Variants in LUZP2 observed in about 807,000 individuals in gnomAD.
LUZP2 encodes the protein leucine zipper protein 2.
In LUZP2, 52 loss-of-function variants were observed where a neutral mutation model predicts 51.6. The ratio of observed to expected loss-of-function variants is 1.01; its 90% CI spans 0.81 to 1.27. The LOEUF (loss-of-function observed/expected upper bound fraction) is 1.27, where lower values mean the gene tolerates loss of function less well. LUZP2 is among the 50% of genes most tolerant of loss of function. LUZP2 has a pLI of 0.00. For missense variants in LUZP2, 436 were observed against 395.4 expected (o/e 1.10, Z -0.87); for synonymous variants, 154 against 137.3 (o/e 1.12, Z -0.85).
At chr11:24,852,933 T>A (rs1851440977) in intron 5 of LUZP2, among the ~76,000 whole-genome samples, 1 of 152,200 alleles carries the variant, frequency 6.6e-6, no homozygotes, top group Non-Finnish European at 1.5e-5. Flanking sequence ...TGGTAAATAT[T>A]CCTCCATCCC....
intron 5 of LUZP2, among the ~76,000 whole-genome samples, chr11:24,826,692 T>G (rs10834490): frequency 0.79 from 119,769 of 151,730 alleles, 47,586 homozygotes; most frequent in East Asian, 0.88. Context: ...CAAATGGAAA[T>G]GTCTAGAGTT....
chr11:24,551,700 G>T (rs1386653821), intron 1 of LUZP2, among the ~76,000 whole-genome samples: 1 of 151,720 alleles, frequency 6.6e-6, no homozygotes, highest in African/African-American at 2.4e-5. Context: ...AAATATAGAG[G>T]AAAATCAAAG....
rs1018353789 is a variant in LUZP2, at chr11:24,744,774, C to G, written c.333+6472C>G. 5.9e-5 allele frequency among the ~76,000 whole-genome samples: 9 copies of G among 151,268 alleles called. No homozygotes were observed. The South Asian group carries it at 1.5e-3, about 25-fold the overall frequency. ...GTTTGGGTTTGGTTTGTTCTTGTTT[C>G]TCTAGTTCCTTGAGGTGTGACCTTA... On this transcript the variant is annotated intron_variant, in intron 4 of 11. Transcript: ENST00000336930.
At chr11:24,568,883 A>G (rs1852334430) in intron 1 of LUZP2, among the ~76,000 whole-genome samples, 1 of 152,070 alleles carries the variant, frequency 6.6e-6, no homozygotes, top group Admixed American at 6.6e-5. Context: ...CCTAAGAGAC[A>G]TAGTAATACA....
chr11:24,835,811 A>G (rs899347256), intron 5 of LUZP2, among the ~76,000 whole-genome samples: 1 of 152,050 alleles, frequency 6.6e-6, no homozygotes, highest in Non-Finnish European at 1.5e-5. Context: ...AAATTCTTAT[A>G]ATATTTTTAC....
chr11:24,942,489 T>C (rs1854781729), intron 7 of LUZP2, among the ~76,000 whole-genome samples: 2 of 152,184 alleles, frequency 1.3e-5, no homozygotes, highest in South Asian at 4.1e-4. Context: ...TAGTTTTCAT[T>C]TGTATATCCT....
At chr11:24,652,194 G>T (rs887634161) in intron 1 of LUZP2, among the ~76,000 whole-genome samples, 3 of 152,076 alleles carry the variant, frequency 2.0e-5, no homozygotes, top group Non-Finnish European at 2.9e-5. Context: ...TACCTGCAAA[G>T]AAGAGATTTG....
chr11:24,614,976 C>G (rs1854239678), intron 1 of LUZP2, among the ~76,000 whole-genome samples: 1 of 151,752 alleles, frequency 6.6e-6, no homozygotes, highest in Admixed American at 6.6e-5. Context: ...CTTCCAGGTT[C>G]AAGAATTAAA....
chr11:24,834,285 C>T (rs1406139639), intron 5 of LUZP2, among the ~76,000 whole-genome samples: 6 of 152,096 alleles, frequency 3.9e-5, no homozygotes, highest in Non-Finnish European at 5.9e-5. Flanking sequence ...GTGTTGTTGC[C>T]TTCCCTGTGT....
chr11:24,594,547 CT>C (rs1853368384), intron 1 of LUZP2, among the ~76,000 whole-genome samples: 1 of 152,114 alleles, frequency 6.6e-6, no homozygotes. Context: ...GCCTTTCTCT[CT>C]CTTACTTAAC....
chr11:24,519,700 T>A (rs1850583054), intron 1 of LUZP2, among the ~76,000 whole-genome samples: 1 of 152,230 alleles, frequency 6.6e-6, no homozygotes, highest in African/African-American at 2.4e-5. Context: ...TTCATTTATT[T>A]ACTATTTTGA....
intron 1 of LUZP2, among the ~76,000 whole-genome samples, chr11:24,694,651 G>A (rs1857187801): frequency 6.6e-6 from 1 of 152,038 alleles, no homozygotes; most frequent in South Asian, 2.1e-4. Context: ...GTTCACGGTA[G>A]CAAAGACTTA....
chr11:24,822,328 T>C (rs773700961), intron 5 of LUZP2, among the ~76,000 whole-genome samples: 9 of 152,178 alleles, frequency 5.9e-5, no homozygotes, highest in Non-Finnish European at 1.0e-4. Context: ...CTTTTAGCCT[T>C]CTGAGCACCA....
chr11:24,930,440 T>C (rs1854413621), intron 7 of LUZP2, among the ~76,000 whole-genome samples: 1 of 152,212 alleles, frequency 6.6e-6, no homozygotes, highest in South Asian at 2.1e-4. Context: ...GCAAAATCGC[T>C]CAGTATTGTT....
intron 1 of LUZP2, among the ~76,000 whole-genome samples, chr11:24,597,504 A>G (rs1378980293): frequency 1.3e-5 from 2 of 152,206 alleles, no homozygotes; most frequent in African/African-American, 4.8e-5. Context: ...GAGTGCAGAT[A>G]AAGTTGTGCA....
chr11:24,663,784 A>G (rs1856108755), intron 1 of LUZP2, among the ~76,000 whole-genome samples: 1 of 152,022 alleles, frequency 6.6e-6, no homozygotes, highest in Non-Finnish European at 1.5e-5. Context: ...TCGTGCTAGT[A>G]AGTTCTTAAG....
At chr11:24,524,521 A>G (rs1434962249) in intron 1 of LUZP2, among the ~76,000 whole-genome samples, 1 of 151,726 alleles carries the variant, frequency 6.6e-6, no homozygotes, top group Non-Finnish European at 1.5e-5. Context: ...AGGTAATGAC[A>G]AACCTTTCCC....
chr11:24,846,595 A>T (rs1291279289), intron 5 of LUZP2, among the ~76,000 whole-genome samples: 1 of 152,172 alleles, frequency 6.6e-6, no homozygotes, highest in Admixed American at 6.5e-5. Flanking sequence ...ATTAAAGAGA[A>T]TGAATCTGTA....
intron 1 of LUZP2, among the ~76,000 whole-genome samples, chr11:24,528,895 A>C (rs1850903824): frequency 6.6e-6 from 1 of 151,200 alleles, no homozygotes; most frequent in African/African-American, 2.4e-5. Flanking sequence ...TCATATTACT[A>C]ATATTCTCTT....
Sources: allele counts gnomAD v4.1 joint callset (sites outside exome capture counted in the v4.1 genomes callset), GRCh38; gene constraint gnomAD v4.1.1; transcripts MANE v1.5; gene names NCBI Gene and HGNC (gene_info 2026-07-23, HGNC 2026-07-21).